The following TP53BP1 variants were observed in gnomAD, a reference collection of about 807,000 sequenced individuals.
TP53BP1 encodes the protein tumor protein p53 binding protein 1.
A neutral mutation model predicts 200.8 loss-of-function variants in TP53BP1; 61 were observed. That is an observed-to-expected ratio of 0.30 (90% CI 0.25 to 0.38). The LOEUF is 0.38. Among genes scored for constraint, TP53BP1 ranks in the 10% least tolerant of loss-of-function variants. The pLI is 1.00. For synonymous variants in TP53BP1, 822 were observed against 844.3 expected (o/e 0.97, Z 0.46); for missense variants, 2,144 against 2,371.9 (o/e 0.90, Z 2.00).
chr15:43,461,445 T>C (rs965196410), intron 11 of TP53BP1, among the ~76,000 whole-genome samples: 2 of 152,040 alleles, frequency 1.3e-5, no homozygotes, highest in Non-Finnish European at 2.9e-5. Context: ...CCTGAACTCC[T>C]AGGTTCAAGC....
intron 12 of TP53BP1, among the ~76,000 whole-genome samples, chr15:43,453,050 C>T (rs1266292314): frequency 1.3e-5 from 2 of 151,762 alleles, no homozygotes; most frequent in African/African-American, 2.4e-5. Context: ...AAAAATTAGC[C>T]GGACGTGGTG....
intron 1 of TP53BP1, among the ~76,000 whole-genome samples, chr15:43,503,809 T>C (rs530489687): frequency 7.4e-4 from 112 of 152,342 alleles, no homozygotes; most frequent in Admixed American, 2.3e-3. Context: ...TCCCTATATG[T>C]GGATTCTGCA....
chr15:43,471,059 A>C (rs1348928323), intron 10 of TP53BP1, among the ~76,000 whole-genome samples: 1 of 152,148 alleles, frequency 6.6e-6, no homozygotes, highest in Non-Finnish European at 1.5e-5. Context: ...CACATTAAAA[A>C]CCTGCTGTTA....
chr15:43,419,065 C>A (rs1012847139), intron 21 of TP53BP1, among the ~76,000 whole-genome samples: 1 of 152,092 alleles, frequency 6.6e-6, no homozygotes, highest in Non-Finnish European at 1.5e-5. Flanking sequence ...ACTAAAAATA[C>A]AAAAATTAGC....
intron 21 of TP53BP1, among the ~76,000 whole-genome samples, chr15:43,417,424 T>C (rs1025282061): frequency 3.9e-5 from 6 of 152,232 alleles, no homozygotes; most frequent in Admixed American, 3.9e-4. Flanking sequence ...GTTCATCTCC[T>C]AGCTTAAATC....
chr15:43,435,779 T>A (rs2045782598), intron 16 of TP53BP1, among the ~76,000 whole-genome samples: 1 of 152,046 alleles, frequency 6.6e-6, no homozygotes, highest in Non-Finnish European at 1.5e-5. Flanking sequence ...CACTGCAACC[T>A]CCTCCTCCAG....
At chr15:43,437,491 G>C (rs2045825196) in intron 16 of TP53BP1, among the ~76,000 whole-genome samples, 1 of 152,052 alleles carries the variant, frequency 6.6e-6, no homozygotes. Flanking sequence ...AAATTAGCCG[G>C]TATGGTGGCG....
At chr15:43,409,590 C>A in intron 25 of TP53BP1, 57 bp downstream of exon 25, 1 of 990,388 alleles carries the variant, frequency 1.0e-6, no homozygotes, top group South Asian at 1.8e-5. Flanking sequence ...CTTCTCAACA[C>A]AGCAAGTTGG....
Position 43,405,806 on chromosome 15 carries a change from G to A in TP53BP1, c.*1577C>T, listed in dbSNP as rs45583832. 1,018 of 152,332 alleles carry A rather than the reference G, an allele frequency of 6.7e-3. 10 individuals are homozygous for A. Among genetic ancestry groups the A allele is most frequent in the African/African-American group, 0.023 (967 of 41,492 alleles). The allele number at this position is 152,332 out of a possible 1,614,324, so 9.4% of individuals were successfully genotyped here. A position where few individuals can be genotyped will look rare whatever the true frequency, so the allele number is the denominator to read the frequency against. The stretch of plus-strand genomic sequence containing the variant: ...TGTAATCCCAGCACTTTGGGAGGCC[G>A]AGGCGGGCGGATCACCTGAAGTCAG... On this transcript the variant is annotated 3_prime_UTR_variant, in exon 28 of 28. Coordinates refer to ENST00000382044, the MANE Select transcript of TP53BP1 (RefSeq NM_001141980.3).
intron 4 of TP53BP1, among the ~76,000 whole-genome samples, chr15:43,483,769 G>A (rs1200042902): frequency 2.0e-5 from 3 of 152,300 alleles, no homozygotes; most frequent in Non-Finnish European, 4.4e-5. Context: ...TATTGCAAAT[G>A]GTAGAAAAGA....
At position 43,503,527 on chromosome 15, in the gene TP53BP1, C is replaced by T. The variant is rs190563607; in HGVS notation, c.-9+6843G>A. Among the ~76,000 whole-genome samples the T allele has an allele frequency of 5.4e-3, 829 of 152,234 alleles. 6 individuals are homozygous for T. The highest frequency in any genetic ancestry group is 7.3e-3 in the Admixed American group (112 of 15,288). On this transcript the variant is annotated intron_variant, in intron 1 of 27. Transcript: ENST00000263801. The stretch of plus-strand genomic sequence containing the variant: ...ACAAAAAATTAGCCGGGCATGGTGG[C>T]CAGCGCCTGTAATTCCAGCTACTCG...
chr15:43,481,498 A>AT (rs1006435532), intron 4 of TP53BP1, among the ~76,000 whole-genome samples: 2 of 128,854 alleles, frequency 1.6e-5, no homozygotes, highest in African/African-American at 6.2e-5. Context: ...CACACTTTTT[A>AT]TTTTTTACTT....
intron 1 of TP53BP1, among the ~76,000 whole-genome samples, chr15:43,500,689 C>T (rs1163667786): frequency 1.3e-5 from 2 of 152,006 alleles, no homozygotes; most frequent in African/African-American, 4.8e-5. Flanking sequence ...GGCATGGTGG[C>T]GAGCACCTGT....
chr15:43,406,809 G>A lies in TP53BP1; in HGVS notation c.*574C>T, dbSNP rs1228668343. On this transcript the variant is annotated 3_prime_UTR_variant, in exon 28 of 28. Coordinates refer to ENST00000382044, the MANE Select transcript of TP53BP1 (RefSeq NM_001141980.3). The stretch of plus-strand genomic sequence containing the variant: ...CGGAAGGTCATTCCATCAAGCTTAT[G>A]GTCACTGTCCCTTCATGGCAGTTGG... 2.9e-6 allele frequency: 1 copy of A among 347,228 alleles called. No individual in the cohort carries two copies. The highest frequency in any genetic ancestry group is 5.6e-6 in the Non-Finnish European group (1 of 177,878). The allele number at this position is 347,228 out of a possible 1,614,324, so 21.5% of individuals were successfully genotyped here.
chr15:43,508,382 G>C lies in TP53BP1; in HGVS notation c.-9+1988C>G, dbSNP rs1451887013. Among the ~76,000 whole-genome samples the C allele has an allele frequency of 8.5e-5, 13 of 152,266 alleles. No individual in the cohort carries two copies. In the East Asian group the frequency reaches 2.1e-3, roughly 25 times the overall value. ...CTCAAAAAAAAAATTTCTGGGCTGG[G>C]AACAGTGGCTCACGCTTGTAATCCC... On this transcript the variant is annotated intron_variant, in intron 1 of 27. Coordinates refer to the TP53BP1 transcript ENST00000263801.
At chr15:43,451,956 A>C (rs2046180619) in intron 12 of TP53BP1, among the ~76,000 whole-genome samples, 1 of 152,116 alleles carries the variant, frequency 6.6e-6, no homozygotes, top group South Asian at 2.1e-4. Context: ...CCAACATGGC[A>C]AAACCCTGTC....
At chr15:43,489,864 A>G (rs1204682754) in intron 4 of TP53BP1, among the ~76,000 whole-genome samples, 1 of 150,742 alleles carries the variant, frequency 6.6e-6, no homozygotes, top group African/African-American at 2.4e-5. Flanking sequence ...GATTTGTGAG[A>G]AAAAAAAAAT....
chr15:43,479,623 A>C (rs1349341422), intron 6 of TP53BP1, 97 bp from the exon 7 acceptor site: 1 of 1,376,544 alleles, frequency 7.3e-7, no homozygotes, highest in Non-Finnish European at 9.9e-7. Context: ...ATTTTAACAG[A>C]AGTCCAATTT....
Position 43,420,649 on chromosome 15 carries a change from G to A in TP53BP1, c.4337C>T (p.Pro1446Leu), listed in dbSNP as rs765213698. ...PDDKSFSRVVPRVPDSTRRTD... is the reference protein window; with the variant it reads ...PDDKSFSRVVLRVPDSTRRTD... ...TCGTCTGGTGGAGTCTGGCACTCGG[G>A]GCACGACACGGCTGAAGGATTTATC... Residue 1446 changes from proline to leucine, a missense_variant, in exon 21 of 28, where the codon CCC (proline) becomes CTC (leucine). This residue lies in a region of TP53BP1 where 49 missense variants were observed against 60.7 expected (regional missense o/e 0.81). Coordinates refer to ENST00000382044, the MANE Select transcript of TP53BP1 (RefSeq NM_001141980.3). 2.0e-5 allele frequency: 32 copies of A among 1,614,182 alleles called. No individual in the cohort carries two copies. Among genetic ancestry groups the A allele is most frequent in the Non-Finnish European group, 2.5e-5 (30 of 1,180,040 alleles).
Sources: allele counts gnomAD v4.1 joint callset (sites outside exome capture counted in the v4.1 genomes callset), GRCh38; gene constraint gnomAD v4.1.1; regional missense constraint gnomAD v4.1.1; transcripts MANE v1.5; gene names NCBI Gene and HGNC (gene_info 2026-07-23, HGNC 2026-07-21).